The following FBXO42 variants were observed in gnomAD, a reference collection of about 807,000 sequenced individuals.
The protein encoded by FBXO42 is F-box protein 42.
Under a neutral mutation model 71.7 loss-of-function variants are expected in FBXO42, and 12 were observed. That is an observed-to-expected ratio of 0.17 (90% CI 0.11 to 0.27). FBXO42 has a LOEUF of 0.27. Among genes scored for constraint, FBXO42 ranks in the 10% least tolerant of loss-of-function variants. The pLI, the probability that FBXO42 is intolerant of heterozygous loss-of-function variation, is 1.00. For missense variants in FBXO42, 707 were observed against 911.9 expected (o/e 0.78, Z 2.89); for synonymous variants, 325 against 327.5 (o/e 0.99, Z 0.08).
chr1:16,342,798 T>A (rs1263889053), intron 1 of FBXO42, among the ~76,000 whole-genome samples: 1 of 152,024 alleles, frequency 6.6e-6, no homozygotes, highest in Non-Finnish European at 1.5e-5. Flanking sequence ...TGGGGGCAGA[T>A]CTCTCATGAG....
intron 5 of FBXO42, among the ~76,000 whole-genome samples, chr1:16,256,038 G>A (rs986139052): frequency 1.3e-5 from 2 of 152,220 alleles, no homozygotes; most frequent in African/African-American, 4.8e-5. Context: ...TCTGGAGGGA[G>A]AGAGATGAGA....
At chr1:16,273,348 T>C (rs2081864813) in intron 4 of FBXO42, among the ~76,000 whole-genome samples, 1 of 152,170 alleles carries the variant, frequency 6.6e-6, no homozygotes. Context: ...ATTAGCCAAG[T>C]GGTCTTTCCT....
At chr1:16,300,335 C>A (rs931413615) in intron 3 of FBXO42, among the ~76,000 whole-genome samples, 1 of 152,134 alleles carries the variant, frequency 6.6e-6, no homozygotes, top group African/African-American at 2.4e-5. Context: ...AAATACAAGT[C>A]AAATAGTCAC....
rs183976887 is a variant in FBXO42 at position 16,252,975 on chromosome 1, C to T, written c.921+121G>A. On this transcript the variant is annotated intron_variant, in intron 8 of 9. Coordinates refer to ENST00000375592, the MANE Select transcript of FBXO42 (RefSeq NM_018994.3). This position sits in a 1 kb window ranked among gnomAD's most constrained non-coding sequence, Gnocchi z 4.4. The stretch of plus-strand genomic sequence containing the variant: ...AAATACAAAGGCTATACCCAAAAAG[C>T]ATTCCTTAAATTAAAATGCCATGGA... The T allele has an allele frequency of 9.1e-5, 74 of 817,514 alleles. No homozygotes were observed. The African/African-American group carries it at 1.2e-3, about 13-fold the overall frequency. 50.6% of individuals were successfully genotyped at this position (817,514 alleles called of 1,614,324 possible).
intron 1 of FBXO42, among the ~76,000 whole-genome samples, chr1:16,329,162 CAAAA>C (rs1221377687): frequency 5.0e-5 from 3 of 60,450 alleles, no homozygotes; most frequent in Non-Finnish European, 3.3e-5. Context: ...GACTCTGTCT[CAAAA>C]AAAAAAAAAA....
At chr1:16,331,742 AAAAT>A (rs912056359) in intron 1 of FBXO42, among the ~76,000 whole-genome samples, 13 of 149,312 alleles carry the variant, frequency 8.7e-5, no homozygotes, top group African/African-American at 2.7e-4. Flanking sequence ...ACTCAGTCTC[AAAAT>A]AAATAAATAA....
rs763858540 is a variant in FBXO42, at chr1:16,255,828, TA to T, written c.657-8del. ...TGTCACAATGCAGTTCCACCTAATG[TA>T]AAAAGACAGGAGGAAGTCAAGAAGT... is the stretch of plus-strand genomic sequence containing the variant. On this transcript the variant is annotated splice_polypyrimidine_tract_variant and splice_region_variant and intron_variant, in intron 5 of 9. Transcript: ENST00000375592. 4 of 1,606,034 alleles carry T rather than the reference TA, an allele frequency of 2.5e-6. No homozygotes were observed. The South Asian group carries it at 3.3e-5, about 13-fold the overall frequency.
chr1:16,254,726 AG>A (rs1268450668), intron 6 of FBXO42, among the ~76,000 whole-genome samples: 1 of 152,154 alleles, frequency 6.6e-6, no homozygotes, highest in Non-Finnish European at 1.5e-5. Context: ...TTCAGAGCAC[AG>A]GGGGAATGAC....
intron 4 of FBXO42, among the ~76,000 whole-genome samples, chr1:16,279,843 G>GTTTTTTTTTT (rs1199990516): frequency 1.5e-5 from 1 of 68,540 alleles, no homozygotes; most frequent in African/African-American, 6.2e-5. Flanking sequence ...GTTGACAATG[G>GTTTTTTTTTT]TTTTTTTTTT....
At chr1:16,304,980 C>A (rs1481817476) in intron 3 of FBXO42, among the ~76,000 whole-genome samples, 3 of 152,066 alleles carry the variant, frequency 2.0e-5, no homozygotes, top group Non-Finnish European at 4.4e-5. Context: ...AAAGAAAAAG[C>A]AGAATATAAA....
rs1344306140 is a variant in FBXO42, at chr1:16,332,970, CTTG to C, written c.-17-17538_-17-17536del. 3.3e-5 allele frequency among the ~76,000 whole-genome samples: 5 copies of C among 152,232 alleles called. No individual in the cohort carries two copies. The East Asian group carries it at 9.6e-4, about 29-fold the overall frequency. On this transcript the variant is annotated intron_variant, in intron 1 of 9. Transcript: ENST00000375592. ...GATTTCAATTCAGTCATCTGAAGTACTTGTTTGTGAAATACCTTAAACTCCTTT... is the reference window on the plus strand; with the variant it reads ...GATTTCAATTCAGTCATCTGAAGTACTTTGTGAAATACCTTAAACTCCTTT...
intron 4 of FBXO42, among the ~76,000 whole-genome samples, chr1:16,262,515 T>TG (rs2081725574): frequency 6.6e-6 from 1 of 152,074 alleles, no homozygotes; most frequent in African/African-American, 2.4e-5. Flanking sequence ...GAAACCAGCC[T>TG]GGGCAACATG....
At chr1:16,326,688 A>C (rs2082455386) in intron 1 of FBXO42, among the ~76,000 whole-genome samples, 1 of 151,214 alleles carries the variant, frequency 6.6e-6, no homozygotes, top group Non-Finnish European at 1.5e-5. Context: ...TGTCTCAAAA[A>C]AAAAAAAAAA....
At chr1:16,288,598 T>C (rs1305606603) in intron 4 of FBXO42, among the ~76,000 whole-genome samples, 2 of 152,194 alleles carry the variant, frequency 1.3e-5, no homozygotes, top group East Asian at 3.9e-4. Flanking sequence ...ACCATCAACG[T>C]AGCTGTATAA....
At chr1:16,350,985 ACACT>A (rs982166260) in intron 1 of FBXO42, among the ~76,000 whole-genome samples, 18 of 152,184 alleles carry the variant, frequency 1.2e-4, no homozygotes, top group African/African-American at 3.9e-4. Flanking sequence ...ACACGTGAAT[ACACT>A]CAAAGTTAGC....
At chr1:16,274,834 C>T (rs777484644) in intron 4 of FBXO42, among the ~76,000 whole-genome samples, 2 of 152,028 alleles carry the variant, frequency 1.3e-5, no homozygotes, top group Non-Finnish European at 2.9e-5. Flanking sequence ...TCGTAATCTG[C>T]CCGCCTCAGC....
intron 1 of FBXO42, among the ~76,000 whole-genome samples, chr1:16,315,882 G>C (rs151174525): frequency 6.6e-6 from 1 of 152,178 alleles, no homozygotes; most frequent in Non-Finnish European, 1.5e-5. Flanking sequence ...AGAAATAACC[G>C]TTTTTCGACC....
At chr1:16,264,956 A>G (rs2081755031) in intron 4 of FBXO42, among the ~76,000 whole-genome samples, 1 of 152,226 alleles carries the variant, frequency 6.6e-6, no homozygotes, top group African/African-American at 2.4e-5. Context: ...TTTGATTTCT[A>G]TGCCACTTTC....
chr1:16,286,646 C>T (rs2082024778), intron 4 of FBXO42, among the ~76,000 whole-genome samples: 1 of 152,166 alleles, frequency 6.6e-6, no homozygotes, highest in South Asian at 2.1e-4. Flanking sequence ...CTACCTCCAG[C>T]CTGTGTGTCT....
Sources: gnomAD v4.1 joint callset for allele counts (sites outside exome capture counted in the v4.1 genomes callset) on GRCh38, gnomAD v4.1.1 for gene constraint, Gnocchi (gnomAD v3.1) non-coding constraint, MANE v1.5 for transcripts, NCBI Gene and HGNC (gene_info 2026-07-23, HGNC 2026-07-21) for gene names.